Variants in SEMA3A observed in about 807,000 individuals in gnomAD.
SEMA3A encodes semaphorin 3A.
Under a neutral mutation model 97.9 loss-of-function variants are expected in SEMA3A, and 29 were observed. The ratio of observed to expected loss-of-function variants is 0.30; its 90% CI spans 0.22 to 0.40. The LOEUF is 0.40. SEMA3A is among the 10% of genes least tolerant of loss of function. SEMA3A has a pLI of 1.00. For missense variants in SEMA3A, 763 were observed against 951.3 expected, an observed-to-expected ratio of 0.80 and a Z score of 2.60; for synonymous variants, 321 against 323.7, an observed-to-expected ratio of 0.99 and a Z score of 0.09.
chr7:84,367,900 A>G (rs1326476421), intron 2 of SEMA3A, among the ~76,000 whole-genome samples: 1 of 151,270 alleles, frequency 6.6e-6, no homozygotes, highest in African/African-American at 2.4e-5. Context: ...AATCTTGAAG[A>G]AATCTTAGCT....
intron 2 of SEMA3A, among the ~76,000 whole-genome samples, chr7:84,364,200 A>T (rs1802789287): frequency 6.6e-6 from 1 of 151,698 alleles, no homozygotes. Flanking sequence ...AAAACCTTTT[A>T]GGAACCTCAG....
chr7:84,353,836 G>A (rs1007965300), intron 2 of SEMA3A, among the ~76,000 whole-genome samples: 1 of 151,462 alleles, frequency 6.6e-6, no homozygotes, highest in Non-Finnish European at 1.5e-5. Context: ...AAGTAATTTT[G>A]TCCATGAGCT....
At chr7:84,118,247 T>G (rs542244057) in intron 3 of SEMA3A, among the ~76,000 whole-genome samples, 1 of 152,314 alleles carries the variant, frequency 6.6e-6, no homozygotes, top group East Asian at 1.9e-4. Context: ...CAGTGAAGAC[T>G]TATAAATTAT....
Position 84,258,210 on chromosome 7 carries a change from C to T in SEMA3A, c.-83+48997G>A, listed in dbSNP as rs145002087. 5.9e-5 allele frequency among the ~76,000 whole-genome samples: 9 copies of T among 152,150 alleles called. No homozygotes were observed. In the South Asian group the frequency reaches 1.0e-3, roughly 18 times the overall value. On this transcript the variant is annotated intron_variant, in intron 3 of 3. Transcript: ENST00000424555. ...TAGGGTGTTTCTTTTTGGGGGTCAA[C>T]GGGTAGAGGAGATATGTGGCTTTCA... is the stretch of plus-strand genomic sequence containing the variant.
intron 1 of SEMA3A, among the ~76,000 whole-genome samples, chr7:84,389,424 C>T (rs544542776): frequency 6.6e-5 from 10 of 152,096 alleles, no homozygotes; most frequent in Admixed American, 3.9e-4. Context: ...CCTATCTATA[C>T]GGCTTTTATG....
intron 1 of SEMA3A, among the ~76,000 whole-genome samples, chr7:84,397,342 A>C (rs1803762557): frequency 6.6e-6 from 1 of 150,526 alleles, no homozygotes. Context: ...AATTGTGAAC[A>C]TTTAATGTTT....
At chr7:84,408,465 C>G (rs1804167965) in intron 1 of SEMA3A, among the ~76,000 whole-genome samples, 1 of 151,814 alleles carries the variant, frequency 6.6e-6, no homozygotes, top group Admixed American at 6.6e-5. Context: ...CTAGTTCAAC[C>G]ATTGTGGAAG....
intron 5 of SEMA3A, among the ~76,000 whole-genome samples, chr7:84,053,851 C>T (rs1219280023): frequency 1.1e-4 from 12 of 107,404 alleles, no homozygotes; most frequent in African/African-American, 1.9e-4. Context: ...TGGCTGGTAC[C>T]GGTTGTTCCT....
rs887443681 is a variant in SEMA3A, at chr7:83,977,665, C to T, written c.1653-469G>A. ...TATAATTCACATGAATGTTCTCTTT[C>T]TCTAAATGCTTACACATAATTATTT... On this transcript the variant is annotated intron_variant, in intron 14 of 16. Transcript: ENST00000265362. Among the ~76,000 whole-genome samples, 82 of 151,834 alleles carry T rather than the reference C, an allele frequency of 5.4e-4. 1 individual carries two copies. The highest frequency in any genetic ancestry group is 1.8e-3 in the African/African-American group (75 of 41,362).
chr7:83,967,597 T>C (rs1453762328), intron 15 of SEMA3A, among the ~76,000 whole-genome samples: 3 of 151,908 alleles, frequency 2.0e-5, no homozygotes, highest in Admixed American at 1.3e-4. Flanking sequence ...TCTACAAAAA[T>C]ACAAAAAATT....
chr7:84,205,579 A>G (rs957758888), intron 3 of SEMA3A, among the ~76,000 whole-genome samples: 3 of 152,176 alleles, frequency 2.0e-5, no homozygotes, highest in African/African-American at 7.2e-5. Flanking sequence ...TTTTTTCATA[A>G]TAATTTCCAG....
At chr7:84,123,807 A>G (rs1189092894) in intron 3 of SEMA3A, among the ~76,000 whole-genome samples, 2 of 149,714 alleles carry the variant, frequency 1.3e-5, no homozygotes, top group African/African-American at 4.9e-5. Flanking sequence ...TATTTATCTG[A>G]TAACCTGATA....
Position 84,383,006 on chromosome 7 carries a change from C to T in SEMA3A, c.-245-11106G>A, listed in dbSNP as rs147538697. Among the ~76,000 whole-genome samples, 747 of 150,928 alleles carry T rather than the reference C, an allele frequency of 4.9e-3. 4 individuals carry two copies. Among genetic ancestry groups the T allele is most frequent in the African/African-American group, 0.017 (710 of 40,898 alleles). On this transcript the variant is annotated intron_variant, in intron 1 of 3. Coordinates refer to the SEMA3A transcript ENST00000424555. ...TGGATTTTTTCCCTTATAATAGGTA[C>T]GTGTAAAGGTAACTGGAATCACTGG...
intron 12 of SEMA3A, among the ~76,000 whole-genome samples, chr7:83,986,407 A>G (rs185874639): frequency 5.0e-4 from 76 of 152,322 alleles, no homozygotes; most frequent in African/African-American, 1.7e-3. Context: ...CACTTCATTA[A>G]GTGTTCTTTC....
At chr7:83,981,185 A>C (rs1789402045) in intron 14 of SEMA3A, 136 bp downstream of exon 14, 1 of 893,386 alleles carries the variant, frequency 1.1e-6, no homozygotes, top group African/African-American at 1.7e-5. Context: ...AAAACGCAAC[A>C]ATCCCCTCCA....
At chr7:84,352,015 A>T (rs1802448361) in intron 2 of SEMA3A, among the ~76,000 whole-genome samples, 1 of 150,940 alleles carries the variant, frequency 6.6e-6, no homozygotes, top group Non-Finnish European at 1.5e-5. Context: ...TGTAGTATAG[A>T]TACACAATGT....
intron 3 of SEMA3A, among the ~76,000 whole-genome samples, chr7:84,214,889 T>C (rs1584133535): frequency 6.6e-6 from 1 of 150,838 alleles, no homozygotes; most frequent in African/African-American, 2.4e-5. Context: ...TTCATAGAGA[T>C]GGGGTTTCAC....
intron 2 of SEMA3A, among the ~76,000 whole-genome samples, chr7:84,342,775 T>C (rs944932456): frequency 2.6e-5 from 4 of 152,172 alleles, no homozygotes; most frequent in Non-Finnish European, 5.9e-5. Context: ...AAAATAATAA[T>C]TCTACCTGTA....
At chr7:84,191,116 T>C (rs1798025807) in intron 1 of SEMA3A, among the ~76,000 whole-genome samples, 1 of 151,098 alleles carries the variant, frequency 6.6e-6, no homozygotes, top group Non-Finnish European at 1.5e-5. Flanking sequence ...CTTTTGCAAA[T>C]TTTACCTCAG....
Sources: gnomAD v4.1 joint callset for allele counts (sites outside exome capture counted in the v4.1 genomes callset) on GRCh38, gnomAD v4.1.1 for gene constraint, MANE v1.5 for transcripts, NCBI Gene and HGNC (gene_info 2026-07-23, HGNC 2026-07-21) for gene names.